The following PCSK5 variants were observed in gnomAD, a reference collection of about 807,000 sequenced individuals.
PCSK5 encodes the protein prohormone convertase 5.
In PCSK5, 129 loss-of-function variants were observed where a neutral mutation model predicts 233.2. That is an observed-to-expected ratio of 0.55 (90% CI 0.48 to 0.64). The LOEUF (loss-of-function observed/expected upper bound fraction) is 0.64, where lower values mean the gene tolerates loss of function less well. Among genes scored for constraint, PCSK5 ranks in the 30% least tolerant of loss-of-function variants. The probability of loss-of-function intolerance (pLI) is 0.00; values close to 1 mark genes in which losing one functional copy is unlikely to be tolerated. For missense variants in PCSK5, 2,076 were observed against 2,430.1 expected, an observed-to-expected ratio of 0.85 and a Z score of 3.06; for synonymous variants, 825 against 879.2, an observed-to-expected ratio of 0.94 and a Z score of 1.09.
At chr9:75,955,232 A>G (rs1177443657) in intron 2 of PCSK5, among the ~76,000 whole-genome samples, 5 of 152,102 alleles carry the variant, frequency 3.3e-5, no homozygotes, top group African/African-American at 9.7e-5. Context: ...TGTTTTCACT[A>G]TGCCGGGCTA....
chr9:76,295,450 G>T lies in PCSK5; in HGVS notation c.3322+39G>T, dbSNP rs1383994004. 2.5e-6 allele frequency: 4 copies of T among 1,600,602 alleles called. No homozygotes were observed. The East Asian group carries it at 6.7e-5, about 27-fold the overall frequency. The stretch of plus-strand genomic sequence containing the variant: ...TGGCACCATCCAAGCTAAGAACCAG[G>T]CACTGGAGCTCCACACAGTCGGGGC... On this transcript the variant is annotated intron_variant, in intron 26 of 37. Coordinates refer to ENST00000674117, the MANE Select transcript of PCSK5 (RefSeq NM_001372043.1).
chr9:76,179,393 A>G (rs1020601167), intron 14 of PCSK5, among the ~76,000 whole-genome samples: 3 of 152,264 alleles, frequency 2.0e-5, no homozygotes, highest in Non-Finnish European at 4.4e-5. Flanking sequence ...TACCTAGGTA[A>G]TTGAGGTTGC....
chr9:76,189,860 G>T, intron 20 of PCSK5, 114 bp downstream of exon 20: 1 of 599,850 alleles, frequency 1.7e-6, no homozygotes, highest in Non-Finnish European at 2.9e-6. Flanking sequence ...GATATGACAT[G>T]CTCAATATTT....
At chr9:75,921,333 T>C (rs997072950) in intron 1 of PCSK5, among the ~76,000 whole-genome samples, 1 of 152,220 alleles carries the variant, frequency 6.6e-6, no homozygotes, top group African/African-American at 2.4e-5. Flanking sequence ...AGTCCCCGTA[T>C]AATTCTAATG....
Position 76,233,513 on chromosome 9 carries a change from T to A in PCSK5, c.2783T>A (p.Phe928Tyr). The change falls in exon 22 of 38, where the codon TTT becomes TAT. Residue 928 changes from phenylalanine to tyrosine, a missense_variant. By Grantham distance (22) the Phe-to-Tyr change is conservative (BLOSUM62 3). Transcript: ENST00000674117. ...AACTGCCCCTCATGGAAATTTGAAT[T>A]TGAGAACCAATGCCATCCATGCCAC... ...VSNCPSWKFE[F>Y]ENQCHPCHHT... 1.2e-6 allele frequency: 2 copies of A among 1,612,742 alleles called. No individual in the cohort carries two copies. Among genetic ancestry groups the A allele is most frequent in the East Asian group, 2.2e-5 (1 of 44,880 alleles).
chr9:76,139,193 C>T (rs1823099336), intron 10 of PCSK5, among the ~76,000 whole-genome samples: 1 of 152,030 alleles, frequency 6.6e-6, no homozygotes, highest in Admixed American at 6.6e-5. Flanking sequence ...AAAAAGAATT[C>T]AAAGTGCTGA....
At chr9:76,065,770 A>T (rs758645147) in intron 5 of PCSK5, among the ~76,000 whole-genome samples, 1 of 152,032 alleles carries the variant, frequency 6.6e-6, no homozygotes, top group Non-Finnish European at 1.5e-5. Context: ...TTTTCCTTCT[A>T]GTAGTTTCAT....
At chr9:75,994,396 CTTTCTTTTTTTTTTTTT>C (rs1826909777) in intron 3 of PCSK5, among the ~76,000 whole-genome samples, 98 of 68,300 alleles carry the variant, frequency 1.4e-3, no homozygotes, top group East Asian at 2.1e-3. Context: ...TTCTTTCTTT[CTTTCTTTTTTTTTTTTT>C]TTTTTTTTTT....
chr9:76,359,211 A>G lies in PCSK5; in HGVS notation c.*289A>G, dbSNP rs1001133481. On this transcript the variant is annotated 3_prime_UTR_variant, in exon 38 of 38. Coordinates refer to ENST00000674117, the MANE Select transcript of PCSK5 (RefSeq NM_001372043.1). Reference sequence around the variant, plus strand: ...AGACACAAAAATGAAGGAAGTGAAAACAAATGAGATTTGTACAAACTCTTC... The same window carrying G: ...AGACACAAAAATGAAGGAAGTGAAAGCAAATGAGATTTGTACAAACTCTTC... 3 of 376,906 alleles carry G rather than the reference A, an allele frequency of 8.0e-6. No homozygotes were observed. The highest frequency in any genetic ancestry group is 1.5e-3 in the Middle Eastern group (2 of 1,326). 23.3% of individuals were successfully genotyped at this position (376,906 alleles called of 1,614,324 possible). A position where few individuals can be genotyped will look rare whatever the true frequency, so the allele number is the denominator to read the frequency against.
At chr9:75,911,187 G>A (rs1043513986) in intron 1 of PCSK5, among the ~76,000 whole-genome samples, 12 of 136,054 alleles carry the variant, frequency 8.8e-5, no homozygotes, top group Admixed American at 1.6e-4. Context: ...GATACATTGC[G>A]TGTGAACATA....
In PCSK5 at chr9:76,253,349, C is replaced by CG. The variant is rs201229729; in HGVS notation, c.3142+12665_3142+12666insG. Among the ~76,000 whole-genome samples the CG allele has an allele frequency of 8.8e-3, 1,335 of 152,138 alleles. 19 individuals are homozygous for CG. Among genetic ancestry groups the CG allele is most frequent in the African/African-American group, 0.031 (1,287 of 41,484 alleles). ...TTCTGAAGATAAGAGAAACAAGCTC[C>CG]ATTAAACAGTTCTGTCTTTAAAAAA... On this transcript the variant is annotated intron_variant, in intron 24 of 37. Transcript: ENST00000674117.
At chr9:75,894,136 A>G (rs945691171) in intron 1 of PCSK5, among the ~76,000 whole-genome samples, 15 of 152,204 alleles carry the variant, frequency 9.9e-5, no homozygotes, top group Non-Finnish European at 1.6e-4. Context: ...TACGTGTTGC[A>G]AATTGGAACT....
At chr9:76,168,534 A>G (rs1823186258) in intron 12 of PCSK5, among the ~76,000 whole-genome samples, 1 of 152,088 alleles carries the variant, frequency 6.6e-6, no homozygotes, top group South Asian at 2.1e-4. Flanking sequence ...TTCATACTTC[A>G]TATCTTTCAG....
chr9:76,265,270 G>C (rs1189361435), intron 24 of PCSK5, among the ~76,000 whole-genome samples: 4 of 152,034 alleles, frequency 2.6e-5, no homozygotes. Context: ...GAAAGGGAGG[G>C]AGGGGGAGGC....
chr9:76,217,691 A>T (rs1825585452), intron 20 of PCSK5, among the ~76,000 whole-genome samples: 1 of 152,206 alleles, frequency 6.6e-6, no homozygotes, highest in East Asian at 1.9e-4. Flanking sequence ...ATCCGAGCAC[A>T]CAGTGGGAAT....
intron 1 of PCSK5, among the ~76,000 whole-genome samples, chr9:75,909,080 T>G (rs1336568039): frequency 6.6e-6 from 1 of 152,082 alleles, no homozygotes; most frequent in Non-Finnish European, 1.5e-5. Context: ...ATACCAGCAC[T>G]TTGGTAGGCC....
intron 9 of PCSK5, among the ~76,000 whole-genome samples, chr9:76,116,235 T>C (rs1832419133): frequency 6.6e-6 from 1 of 152,108 alleles, no homozygotes; most frequent in South Asian, 2.1e-4. Context: ...AGCACATTCA[T>C]AGTGAAATAA....
chr9:76,029,461 T>C (rs1168772761), intron 5 of PCSK5, among the ~76,000 whole-genome samples: 1 of 152,226 alleles, frequency 6.6e-6, no homozygotes, highest in African/African-American at 2.4e-5. Context: ...AGTCCTTATT[T>C]TTATTAAAAC....
intron 9 of PCSK5, 115 bp from the exon 10 acceptor site, chr9:76,133,994 C>T: frequency 1.4e-6 from 1 of 699,632 alleles, no homozygotes; most frequent in East Asian, 2.7e-5. Flanking sequence ...ATCTCTGACC[C>T]TTTGTTTTTA....
Sources: allele counts gnomAD v4.1 joint callset (sites outside exome capture counted in the v4.1 genomes callset), GRCh38; gene constraint gnomAD v4.1.1; transcripts MANE v1.5; gene names NCBI Gene and HGNC (gene_info 2026-07-23, HGNC 2026-07-21).